TJP1: variants seen among roughly 807,000 people sequenced by gnomAD.
TJP1 encodes the protein tight junction protein 1.
TJP1 carries 43 observed loss-of-function variants against 194.2 expected under a neutral mutation model. That is an observed-to-expected ratio of 0.22 (90% CI 0.17 to 0.29). The LOEUF (loss-of-function observed/expected upper bound fraction) is 0.29. Among genes scored for constraint, TJP1 ranks in the 10% least tolerant of loss-of-function variants. The pLI, the probability that TJP1 is intolerant of heterozygous loss-of-function variation, is 1.00. For missense variants in TJP1, 1,971 were observed against 2,185.7 expected, an observed-to-expected ratio of 0.90 and a Z score of 1.96; for synonymous variants, 801 against 779.0, an observed-to-expected ratio of 1.03 and a Z score of -0.47.
chr15:29,705,892 T>A, intron 25 of TJP1, 147 bp from the exon 26 acceptor site: 2 of 677,662 alleles, frequency 3.0e-6, no homozygotes, highest in Non-Finnish European at 5.0e-6. Context: ...GCAACAGATT[T>A]TACTGACAGG....
chr15:29,868,076 T>C (rs79235120), intron 2 of TJP1, among the ~76,000 whole-genome samples: 7 of 100,646 alleles, frequency 7.0e-5, no homozygotes, highest in Admixed American at 6.7e-4. Flanking sequence ...AAAAAAAAAA[T>C]CAGCTGGGCG....
chr15:29,916,749 C>G (rs1431215956), intron 2 of TJP1, among the ~76,000 whole-genome samples: 4 of 152,066 alleles, frequency 2.6e-5, no homozygotes, highest in Non-Finnish European at 5.9e-5. Flanking sequence ...GCAAATGTAC[C>G]TAAATGTTAA....
intron 5 of TJP1, among the ~76,000 whole-genome samples, chr15:29,763,595 G>A (rs534902242): frequency 1.3e-3 from 199 of 151,704 alleles, no homozygotes; most frequent in African/African-American, 4.5e-3. Context: ...TGGTAAAACC[G>A]TCTCTATTAA....
At chr15:29,877,135 T>C (rs182423146) in intron 2 of TJP1, among the ~76,000 whole-genome samples, 42 of 152,382 alleles carry the variant, frequency 2.8e-4, no homozygotes, top group Non-Finnish European at 5.1e-4. Flanking sequence ...ATTGTTCTTA[T>C]AATTTCATGT....
rs770746842 is a variant in TJP1, at chr15:29,708,196, C to CAAAAA, written c.4850+358_4850+362dup. ...GGGCGACAGAGGGAGACTCTTGTCT[C>CAAAAA]AAAAAAAAAAAAAAAAAAAAGCATG... On this transcript the variant is annotated intron_variant, in intron 25 of 27. Coordinates refer to ENST00000614355, the MANE Select transcript of TJP1 (RefSeq NM_001330239.4). Among the ~76,000 whole-genome samples, 7 of 63,544 alleles carry CAAAAA rather than the reference C, an allele frequency of 1.1e-4. No homozygotes were observed. In the East Asian group the frequency reaches 3.8e-3, roughly 34 times the overall value. 41.7% of individuals were successfully genotyped at this position (63,544 alleles called of 152,430 possible). A position where few individuals can be genotyped will look rare whatever the true frequency, so the allele number is the denominator to read the frequency against.
intron 2 of TJP1, among the ~76,000 whole-genome samples, chr15:29,949,459 T>C (rs142938955): frequency 0.22 from 6,343 of 28,418 alleles, 30 homozygotes; most frequent in African/African-American, 0.29. Context: ...TCACCACCAC[T>C]TCCACCACCA....
chr15:29,950,386 C>A (rs1481915902), intron 2 of TJP1, among the ~76,000 whole-genome samples: 3 of 151,396 alleles, frequency 2.0e-5, no homozygotes, highest in Admixed American at 1.3e-4. Flanking sequence ...CTACCTCCAC[C>A]ACCATAACCA....
At chr15:29,909,511 T>C (rs1465762194) in intron 2 of TJP1, among the ~76,000 whole-genome samples, 1 of 151,910 alleles carries the variant, frequency 6.6e-6, no homozygotes, top group Non-Finnish European at 1.5e-5. Flanking sequence ...GAGTTGAAAG[T>C]TGGAAAGAAC....
At chr15:29,881,946 G>T (rs924969160) in intron 2 of TJP1, among the ~76,000 whole-genome samples, 11 of 150,464 alleles carry the variant, frequency 7.3e-5, no homozygotes, top group Non-Finnish European at 1.3e-4. Context: ...TATATATATA[G>T]ATATATATAG....
At position 29,710,925 on chromosome 15, in the gene TJP1, G is replaced by C; in HGVS notation, c.4278C>G (p.Pro1426=). The change falls in exon 24 of 28, where the codon CCC becomes CCG. Residue 1426 remains proline (P), a synonymous_variant. Transcript: ENST00000614355. The part of the protein sequence containing the change: ...EKRYEPIQAT[P]PPPPLPSQYA... ...ACTGCGAGGGCAATGGAGGAGGAGGGGGAGTGGCCTGGATGGGTTCATAGC... is the reference window on the plus strand; with the variant it reads ...ACTGCGAGGGCAATGGAGGAGGAGGCGGAGTGGCCTGGATGGGTTCATAGC... The C allele has an allele frequency of 6.2e-7, 1 of 1,614,160 alleles. No individual in the cohort carries two copies. The highest frequency in any genetic ancestry group is 1.1e-5 in the South Asian group (1 of 91,078).
At chr15:29,810,909 C>A (rs1219979924) in intron 1 of TJP1, among the ~76,000 whole-genome samples, 4 of 152,136 alleles carry the variant, frequency 2.6e-5, no homozygotes, top group Non-Finnish European at 5.9e-5. Flanking sequence ...TTAAACTACA[C>A]GAATAACTGG....
At chr15:29,795,775 C>A (rs574137061) in intron 2 of TJP1, among the ~76,000 whole-genome samples, 1 of 152,220 alleles carries the variant, frequency 6.6e-6, no homozygotes, top group Admixed American at 6.5e-5. Flanking sequence ...ATCAGCAAAT[C>A]AATCCAGCAA....
intron 2 of TJP1, among the ~76,000 whole-genome samples, chr15:29,913,933 G>C (rs1398671287): frequency 6.6e-6 from 1 of 152,186 alleles, no homozygotes; most frequent in Non-Finnish European, 1.5e-5. Flanking sequence ...ACTTGCATAT[G>C]AAAATAAAAA....
chr15:29,849,855 G>A (rs559870806), intron 2 of TJP1, among the ~76,000 whole-genome samples: 2 of 152,020 alleles, frequency 1.3e-5, no homozygotes, highest in African/African-American at 2.4e-5. Flanking sequence ...GATTGTAGAC[G>A]CGAACCACCA....
At chr15:29,780,827 G>A (rs1041040693) in intron 2 of TJP1, among the ~76,000 whole-genome samples, 4 of 151,940 alleles carry the variant, frequency 2.6e-5, no homozygotes, top group African/African-American at 9.7e-5. Flanking sequence ...AACATCTTAA[G>A]AGAAAAAGTA....
At chr15:29,903,605 C>T (rs986424169) in intron 2 of TJP1, among the ~76,000 whole-genome samples, 2 of 152,004 alleles carry the variant, frequency 1.3e-5, no homozygotes, top group African/African-American at 2.4e-5. Context: ...CCACCACGCC[C>T]GGCTAATTTT....
chr15:29,719,709 A>G, intron 20 of TJP1, 68 bp downstream of exon 20: 4 of 1,561,802 alleles, frequency 2.6e-6, no homozygotes, highest in Non-Finnish European at 3.5e-6. Context: ...TTAAAGGGCA[A>G]AGCAAAAATG....
At chr15:29,905,867 T>C (rs1382817334) in intron 2 of TJP1, among the ~76,000 whole-genome samples, 1 of 152,178 alleles carries the variant, frequency 6.6e-6, no homozygotes, top group Non-Finnish European at 1.5e-5. Flanking sequence ...AGGGGTGGTA[T>C]GTGGAACAGG....
At chr15:29,815,239 A>C (rs2049831987) in intron 1 of TJP1, among the ~76,000 whole-genome samples, 1 of 152,206 alleles carries the variant, frequency 6.6e-6, no homozygotes, top group African/African-American at 2.4e-5. Flanking sequence ...CAAAAGTCTT[A>C]TTTTTATTGC....
Sources: gnomAD v4.1 joint callset for allele counts (sites outside exome capture counted in the v4.1 genomes callset) on GRCh38, gnomAD v4.1.1 for gene constraint, MANE v1.5 for transcripts, NCBI Gene and HGNC (gene_info 2026-07-23, HGNC 2026-07-21) for gene names.